The following OSBP2 variants were observed in gnomAD, a reference collection of about 807,000 sequenced individuals.
The protein encoded by OSBP2 is oxysterol binding protein 2.
OSBP2 carries 66 observed loss-of-function variants against 96.0 expected under a neutral mutation model. The observed-to-expected ratio is 0.69, with a 90% CI of 0.56 to 0.84. OSBP2 has a LOEUF of 0.84. Ranked by LOEUF, OSBP2 falls within the 40% of genes least tolerant of loss-of-function variation. OSBP2 has a pLI of 0.00. For synonymous variants in OSBP2, 525 were observed against 520.9 expected (o/e 1.01, Z -0.11); for missense variants, 1,038 against 1,222.7 (o/e 0.85, Z 2.25).
chr22:30,857,897 G>A (rs768640664), intron 2 of OSBP2, among the ~76,000 whole-genome samples: 18 of 152,134 alleles, frequency 1.2e-4, no homozygotes, highest in Non-Finnish European at 2.2e-4. Context: ...GGTCTCTTCC[G>A]TGCTCTCTGC....
At chr22:30,861,865 C>T (rs2039218050) in intron 2 of OSBP2, among the ~76,000 whole-genome samples, 1 of 152,188 alleles carries the variant, frequency 6.6e-6, no homozygotes, top group South Asian at 2.1e-4. Flanking sequence ...CAGGGGGGCT[C>T]AGGGTCCGAG....
chr22:30,766,458 G>C (rs1045709000), intron 2 of OSBP2, among the ~76,000 whole-genome samples: 15 of 152,294 alleles, frequency 9.8e-5, no homozygotes, highest in African/African-American at 3.6e-4. Flanking sequence ...CTAGTTCATA[G>C]GGTTTTTAGT....
At chr22:30,841,058 G>T (rs1569145838) in intron 2 of OSBP2, among the ~76,000 whole-genome samples, 1 of 152,010 alleles carries the variant, frequency 6.6e-6, no homozygotes, top group Non-Finnish European at 1.5e-5. Flanking sequence ...CCAGCTACTT[G>T]GGGGTCTGAG....
chr22:30,716,426 TTTTTG>T, intron 1 of OSBP2, among the ~76,000 whole-genome samples: 1 of 151,968 alleles, frequency 6.6e-6, no homozygotes, highest in Admixed American at 6.6e-5. Flanking sequence ...TTTGTTTGTT[TTTTTG>T]TTTTGTTTTG....
At chr22:30,849,795 G>C (rs1474927233) in intron 2 of OSBP2, among the ~76,000 whole-genome samples, 1 of 152,014 alleles carries the variant, frequency 6.6e-6, no homozygotes. Flanking sequence ...AGAAATTTTT[G>C]CCTACCTAAA....
At chr22:30,755,662 G>A (rs1019635219) in intron 2 of OSBP2, among the ~76,000 whole-genome samples, 2 of 152,112 alleles carry the variant, frequency 1.3e-5, no homozygotes, top group Non-Finnish European at 2.9e-5. Flanking sequence ...GTCTTTATAA[G>A]GTCCCCACAG....
chr22:30,864,427 G>GT (rs935143661), intron 2 of OSBP2, among the ~76,000 whole-genome samples: 1 of 152,172 alleles, frequency 6.6e-6, no homozygotes, highest in African/African-American at 2.4e-5. Context: ...CCCGCAATGC[G>GT]TGTGTGCGGC....
chr22:30,752,455 C>T (rs1602216305), intron 2 of OSBP2, among the ~76,000 whole-genome samples: 1 of 151,690 alleles, frequency 6.6e-6, no homozygotes. Context: ...CCCACCACCA[C>T]GCCCAGCTAA....
chr22:30,766,556 A>C (rs563795977), intron 2 of OSBP2, among the ~76,000 whole-genome samples: 1 of 152,296 alleles, frequency 6.6e-6, no homozygotes, highest in Admixed American at 6.5e-5. Context: ...GTGTAGTGCC[A>C]GTGCCTCCCT....
intron 2 of OSBP2, among the ~76,000 whole-genome samples, chr22:30,793,498 A>T (rs2090709321): frequency 6.7e-6 from 1 of 149,322 alleles, no homozygotes; most frequent in East Asian, 2.1e-4. Flanking sequence ...CTCTACAAAA[A>T]AACTAGGCTG....
At chr22:30,759,723 C>CA (rs2090184365) in intron 2 of OSBP2, among the ~76,000 whole-genome samples, 1 of 151,752 alleles carries the variant, frequency 6.6e-6, no homozygotes, top group Admixed American at 6.6e-5. Flanking sequence ...TAAAACACTT[C>CA]AAAAAAGAAG....
chr22:30,804,691 G>T (rs892910388), intron 2 of OSBP2, among the ~76,000 whole-genome samples: 1 of 152,194 alleles, frequency 6.6e-6, no homozygotes, highest in African/African-American at 2.4e-5. Flanking sequence ...ACATATACTT[G>T]ATTTACATTA....
At chr22:30,721,781 G>GAGTGTTAAAT (rs1367852105) in intron 1 of OSBP2, among the ~76,000 whole-genome samples, 1 of 152,160 alleles carries the variant, frequency 6.6e-6, no homozygotes, top group Non-Finnish European at 1.5e-5. Flanking sequence ...ATTGGCCTTG[G>GAGTGTTAAAT]AGTGTTAAAT....
At chr22:30,756,714 A>T (rs1369723575) in intron 2 of OSBP2, among the ~76,000 whole-genome samples, 1 of 152,014 alleles carries the variant, frequency 6.6e-6, no homozygotes, top group African/African-American at 2.4e-5. Flanking sequence ...AAACAAACAA[A>T]AAAAACCTCT....
At chr22:30,819,470 C>T (rs2091121735) in intron 2 of OSBP2, among the ~76,000 whole-genome samples, 1 of 152,216 alleles carries the variant, frequency 6.6e-6, no homozygotes, top group African/African-American at 2.4e-5. Flanking sequence ...ACCCATCGGT[C>T]ATCTTAGGCT....
intron 2 of OSBP2, among the ~76,000 whole-genome samples, chr22:30,862,820 A>G (rs2039244722): frequency 6.6e-6 from 1 of 150,926 alleles, no homozygotes; most frequent in Admixed American, 6.6e-5. Flanking sequence ...AAAAATACAA[A>G]AAGTTAGCCA....
intron 2 of OSBP2, among the ~76,000 whole-genome samples, chr22:30,806,423 C>A (rs1200048399): frequency 2.6e-5 from 4 of 152,218 alleles, no homozygotes; most frequent in Non-Finnish European, 5.9e-5. Flanking sequence ...GGTACCTTCC[C>A]TTCCTGGCCT....
chr22:30,789,212 A>G (rs136298), intron 2 of OSBP2, among the ~76,000 whole-genome samples: 2 of 152,158 alleles, frequency 1.3e-5, no homozygotes, highest in African/African-American at 2.4e-5. Flanking sequence ...GCATCCTCTT[A>G]GAAGAACTTC....
chr22:30,870,394 C>T lies in OSBP2; in HGVS notation c.854-35C>T, dbSNP rs371811179. Reference sequence around the variant, plus strand: ...CAGGCCTCTTGGTACCACGTCTGTTCGTAATGACCGTAACAACTCTATTTT... The same window carrying T: ...CAGGCCTCTTGGTACCACGTCTGTTTGTAATGACCGTAACAACTCTATTTT... On this transcript the variant is annotated intron_variant, in intron 2 of 13. Transcript: ENST00000332585. The surrounding 1 kb of genome is among the most constrained non-coding windows in gnomAD (Gnocchi z 4.1). 118 of 1,609,268 alleles carry T rather than the reference C, an allele frequency of 7.3e-5. No homozygotes were observed. The highest frequency in any genetic ancestry group is 8.8e-5 in the Non-Finnish European group (104 of 1,178,498).
Sources: gnomAD v4.1 joint callset for allele counts (sites outside exome capture counted in the v4.1 genomes callset) on GRCh38, gnomAD v4.1.1 for gene constraint, Gnocchi (gnomAD v3.1) non-coding constraint, MANE v1.5 for transcripts, NCBI Gene and HGNC (gene_info 2026-07-23, HGNC 2026-07-21) for gene names.